MMP26: variants seen among roughly 807,000 people sequenced by gnomAD.
The protein encoded by MMP26 is matrix metallopeptidase 26.
MMP26 carries 33 observed loss-of-function variants against 31.0 expected under a neutral mutation model. The ratio of observed to expected loss-of-function variants is 1.06; its 90% CI spans 0.81 to 1.42. The LOEUF (loss-of-function observed/expected upper bound fraction) is 1.42, where lower values mean the gene tolerates loss of function less well. Among genes scored for constraint, MMP26 ranks in the 40% most tolerant of loss-of-function variants. The probability of loss-of-function intolerance (pLI) is 0.00; values close to 1 mark genes in which losing one functional copy is unlikely to be tolerated. For missense variants in MMP26, 347 were observed against 316.1 expected (o/e 1.10, Z -0.74); for synonymous variants, 122 against 114.9 (o/e 1.06, Z -0.40).
intron 2 of MMP26, chr11:4,848,769 C>T (rs1324449195): frequency 2.0e-5 from 32 of 1,613,812 alleles, no homozygotes; most frequent in Non-Finnish European, 2.5e-5. Flanking sequence ...GCTAATTACA[C>T]CATTGGTGAG....
intron 2 of MMP26, among the ~76,000 whole-genome samples, chr11:4,779,422 A>C (rs73399030): frequency 0.095 from 14,397 of 152,038 alleles, 847 homozygotes; most frequent in Middle Eastern, 0.15. Flanking sequence ...TTTGCCTCTA[A>C]GTTAATGAGA....
At chr11:4,950,303 C>T (rs77291383) in intron 2 of MMP26, among the ~76,000 whole-genome samples, 4,692 of 120,342 alleles carry the variant, frequency 0.039, 1,317 homozygotes, top group Non-Finnish European at 0.064. Context: ...ATGGAAAGAC[C>T]TCTGGGAATA....
At chr11:4,723,130 C>G in intron 1 of MMP26, 5 of 1,589,672 alleles carry the variant, frequency 3.1e-6, no homozygotes, top group Non-Finnish European at 4.3e-6. Context: ...GCTCGGACAG[C>G]TTGGAGTTGG....
At chr11:4,809,108 GA>G (rs1849316518) in intron 2 of MMP26, among the ~76,000 whole-genome samples, 2 of 151,840 alleles carry the variant, frequency 1.3e-5, no homozygotes, top group African/African-American at 2.4e-5. Context: ...TAAAAGGTAG[GA>G]AAAGAAAGAA....
At chr11:4,802,548 C>T (rs936106733) in intron 2 of MMP26, among the ~76,000 whole-genome samples, 1 of 151,950 alleles carries the variant, frequency 6.6e-6, no homozygotes, top group African/African-American at 2.4e-5. Flanking sequence ...CCTGGACCTG[C>T]AAAAGCCATC....
At chr11:4,911,898 T>C (rs183915052) in intron 2 of MMP26, among the ~76,000 whole-genome samples, 1 of 152,324 alleles carries the variant, frequency 6.6e-6, no homozygotes. Flanking sequence ...ATTCCTATAA[T>C]GTGTGCTTAG....
chr11:4,711,128 T>G (rs1424640786), intron 1 of MMP26: 11 of 152,264 alleles, frequency 7.2e-5, no homozygotes, highest in Admixed American at 7.2e-4. Context: ...AAAGATATAT[T>G]GTGATGTTCA....
chr11:4,838,356 A>AAAAAAAAAAAAAAT (rs1849749308), intron 2 of MMP26, among the ~76,000 whole-genome samples: 2 of 132,714 alleles, frequency 1.5e-5, no homozygotes, highest in Non-Finnish European at 3.2e-5. Context: ...AAAAAAAAAA[A>AAAAAAAAAAAAAAT]GTATGATATG....
intron 1 of MMP26, chr11:4,723,270 C>G: frequency 9.1e-7 from 1 of 1,098,768 alleles, no homozygotes; most frequent in African/African-American, 1.5e-5. Context: ...TTGCAGATCT[C>G]AGTCTTGTGC....
At chr11:4,848,177 T>C (rs1338145203) in intron 2 of MMP26, 1 of 1,515,608 alleles carries the variant, frequency 6.6e-7, no homozygotes, top group Non-Finnish European at 8.9e-7. Flanking sequence ...GTGAGCTGAG[T>C]TCTCACAGAA....
intron 1 of MMP26, among the ~76,000 whole-genome samples, chr11:4,730,404 A>AAGAGAGAGAGAGAGAG (rs59289871): frequency 0.046 from 6,686 of 144,808 alleles, 165 homozygotes; most frequent in Non-Finnish European, 0.06. Flanking sequence ...GTTTCTGGGA[A>AAGAGAGAGAGAGAGAG]AGAGAGAGAG....
rs539161934 is a variant in MMP26, at chr11:4,949,682, AATG to A, written c.-144-38384_-144-38382del. On this transcript the variant is annotated intron_variant, in intron 2 of 7. Transcript: ENST00000380390. The stretch of plus-strand genomic sequence containing the variant: ...GGAATAACAACAAAATCTCCAAAAA[AATG>A]AAGAAAATAAACTGGTAAAATCAGA... Among the ~76,000 whole-genome samples, 71 of 123,602 alleles carry A rather than the reference AATG, an allele frequency of 5.7e-4. 16 individuals are homozygous for A. The highest frequency in any genetic ancestry group is 1.9e-3 in the African/African-American group (69 of 36,798). The allele number at this position is 123,602 out of a possible 152,430, so 81.1% of individuals were successfully genotyped here. A position where few individuals can be genotyped will look rare whatever the true frequency, so the allele number is the denominator to read the frequency against.
intron 1 of MMP26, among the ~76,000 whole-genome samples, chr11:4,729,202 G>A (rs923422268): frequency 1.3e-5 from 2 of 152,002 alleles, no homozygotes; most frequent in South Asian, 4.1e-4. Context: ...ATTGTTGGGC[G>A]ATACAATGTA....
At chr11:4,777,882 T>A (rs1213311471) in intron 2 of MMP26, among the ~76,000 whole-genome samples, 3 of 152,126 alleles carry the variant, frequency 2.0e-5, no homozygotes, top group Non-Finnish European at 4.4e-5. Flanking sequence ...CATTTTCTAT[T>A]GTGAATAATT....
chr11:4,800,077 G>A (rs921353735), intron 2 of MMP26, among the ~76,000 whole-genome samples: 5 of 152,198 alleles, frequency 3.3e-5, no homozygotes, highest in African/African-American at 1.2e-4. Context: ...CTGGGATCTG[G>A]AGGGCAGTGG....
chr11:4,722,191 A>G (rs575697453), intron 1 of MMP26, among the ~76,000 whole-genome samples: 2 of 152,340 alleles, frequency 1.3e-5, no homozygotes, highest in East Asian at 3.9e-4. Flanking sequence ...ATTTATTTAT[A>G]GCAGTGTGAG....
intron 2 of MMP26, among the ~76,000 whole-genome samples, chr11:4,808,353 G>T (rs1849305549): frequency 6.6e-6 from 1 of 151,906 alleles, no homozygotes; most frequent in African/African-American, 2.4e-5. Flanking sequence ...ACATGAAGGG[G>T]GTGTGCACAA....
intron 1 of MMP26, among the ~76,000 whole-genome samples, chr11:4,739,387 T>G (rs1234530597): frequency 1.3e-5 from 2 of 152,208 alleles, no homozygotes; most frequent in Non-Finnish European, 2.9e-5. Flanking sequence ...TTTATTCTTG[T>G]CATCTGGGAC....
intron 2 of MMP26, among the ~76,000 whole-genome samples, chr11:4,925,354 C>A (rs1023567896): frequency 2.0e-5 from 3 of 152,254 alleles, no homozygotes; most frequent in South Asian, 4.1e-4. Flanking sequence ...TTTAAAATCC[C>A]ATGCGTTTCC....
Sources: gnomAD v4.1 joint callset for allele counts (sites outside exome capture counted in the v4.1 genomes callset) on GRCh38, gnomAD v4.1.1 for gene constraint, MANE v1.5 for transcripts, NCBI Gene and HGNC (gene_info 2026-07-23, HGNC 2026-07-21) for gene names.